Variants in DLG2 observed in about 807,000 individuals in gnomAD.
The protein encoded by DLG2 is disks large homolog 2.
DLG2 carries 45 observed loss-of-function variants against 132.5 expected under a neutral mutation model. The observed-to-expected ratio is 0.34, with a 90% CI of 0.27 to 0.44. DLG2 has a LOEUF of 0.44. Ranked by LOEUF, DLG2 falls within the 20% of genes least tolerant of loss-of-function variation. The probability of loss-of-function intolerance (pLI) is 1.00; values close to 1 mark genes in which losing one functional copy is unlikely to be tolerated. For missense variants in DLG2, 1,045 were observed against 1,196.9 expected (o/e 0.87, Z 1.87); for synonymous variants, 424 against 419.6 (o/e 1.01, Z -0.13).
intron 3 of DLG2, among the ~76,000 whole-genome samples, chr11:85,324,224 C>G (rs888723527): frequency 6.6e-6 from 1 of 152,122 alleles, no homozygotes; most frequent in African/African-American, 2.4e-5. Flanking sequence ...GAATTCCTGT[C>G]TTTGAATAGC....
chr11:83,495,524 A>G (rs905873353), intron 21 of DLG2, among the ~76,000 whole-genome samples: 3 of 152,116 alleles, frequency 2.0e-5, no homozygotes, highest in African/African-American at 7.2e-5. Flanking sequence ...ACAGAACTCT[A>G]TATACCTGTT....
chr11:84,353,288 G>A (rs551921413), intron 7 of DLG2, among the ~76,000 whole-genome samples: 7 of 152,242 alleles, frequency 4.6e-5, no homozygotes, highest in South Asian at 2.1e-4. Flanking sequence ...ACTTAGAGAC[G>A]CATCATACTT....
At chr11:83,523,374 A>C (rs567818284) in intron 21 of DLG2, among the ~76,000 whole-genome samples, 1 of 152,328 alleles carries the variant, frequency 6.6e-6, no homozygotes, top group Middle Eastern at 3.4e-3. Flanking sequence ...ATATTACTTT[A>C]GTCTTACCAT....
At chr11:83,635,526 C>T (rs2064566964) in intron 18 of DLG2, among the ~76,000 whole-genome samples, 1 of 152,138 alleles carries the variant, frequency 6.6e-6, no homozygotes, top group South Asian at 2.1e-4. Context: ...TCACTGCTCT[C>T]TTTCCCTACA....
chr11:83,662,344 T>A (rs2074491603), intron 18 of DLG2, among the ~76,000 whole-genome samples: 1 of 152,198 alleles, frequency 6.6e-6, no homozygotes, highest in Non-Finnish European at 1.5e-5. Flanking sequence ...AAGCAAGCAC[T>A]GTATTGAAAC....
intron 4 of DLG2, among the ~76,000 whole-genome samples, chr11:85,284,830 T>C (rs1565267499): frequency 6.6e-6 from 1 of 151,866 alleles, no homozygotes; most frequent in East Asian, 1.9e-4. Flanking sequence ...ACTGATCATT[T>C]TATATTCTTG....
chr11:83,564,017 G>A (rs1236846892), intron 19 of DLG2, among the ~76,000 whole-genome samples: 1 of 151,488 alleles, frequency 6.6e-6, no homozygotes, highest in African/African-American at 2.4e-5. Flanking sequence ...TAATTAGACT[G>A]TTGGCCAGAA....
At chr11:84,723,634 A>G (rs997385214) in intron 6 of DLG2, among the ~76,000 whole-genome samples, 1 of 152,144 alleles carries the variant, frequency 6.6e-6, no homozygotes, top group South Asian at 2.1e-4. Flanking sequence ...TTACCTTAAG[A>G]TACCAACACA....
chr11:84,269,172 T>G (rs1037334406), intron 7 of DLG2, among the ~76,000 whole-genome samples: 10 of 152,220 alleles, frequency 6.6e-5, no homozygotes, highest in African/African-American at 2.4e-4. Context: ...TAGAGATACA[T>G]GTGTAACTGT....
At chr11:83,702,952 G>T (rs1006373751) in intron 18 of DLG2, among the ~76,000 whole-genome samples, 3 of 152,316 alleles carry the variant, frequency 2.0e-5, no homozygotes, top group Admixed American at 2.0e-4. Context: ...CAGTTCTTCC[G>T]AAAAGCACTG....
chr11:84,051,874 TA>T (rs2075857561), intron 11 of DLG2, among the ~76,000 whole-genome samples: 1 of 151,586 alleles, frequency 6.6e-6, no homozygotes. Context: ...CCAAAAGGTA[TA>T]TGCCTGATTT....
chr11:85,246,495 T>A lies in DLG2; in HGVS notation c.186+38725A>T, dbSNP rs2152687064. Among the ~76,000 whole-genome samples the A allele has an allele frequency of 3.9e-5, 6 of 151,924 alleles. No homozygotes were observed. The South Asian group carries it at 1.2e-3, about 32-fold the overall frequency. On this transcript the variant is annotated intron_variant, in intron 4 of 27. Coordinates refer to ENST00000376104, the MANE Select transcript of DLG2 (RefSeq NM_001142699.3). Reference sequence around the variant, plus strand: ...AATTCCCAAAATGTTAACATTGTACTGTGTTTATTACTGTCTCTCACATGC... The same window carrying A: ...AATTCCCAAAATGTTAACATTGTACAGTGTTTATTACTGTCTCTCACATGC...
intron 6 of DLG2, among the ~76,000 whole-genome samples, chr11:84,687,590 C>T (rs2099739228): frequency 6.6e-6 from 1 of 152,132 alleles, no homozygotes; most frequent in Non-Finnish European, 1.5e-5. Flanking sequence ...CTTAAATAAA[C>T]TCTATTTCAC....
At chr11:85,394,485 A>T (rs1596857729) in intron 3 of DLG2, among the ~76,000 whole-genome samples, 1 of 152,240 alleles carries the variant, frequency 6.6e-6, no homozygotes, top group Admixed American at 6.5e-5. Context: ...TGTCTGTGCC[A>T]CCTGCAGCAG....
chr11:84,827,495 T>G (rs1436490989), intron 6 of DLG2, among the ~76,000 whole-genome samples: 2 of 151,464 alleles, frequency 1.3e-5, no homozygotes, highest in Non-Finnish European at 3.0e-5. Context: ...AGGATAATAT[T>G]GATTGATCAA....
chr11:84,797,155 T>C (rs1184912753), intron 6 of DLG2, among the ~76,000 whole-genome samples: 1 of 152,168 alleles, frequency 6.6e-6, no homozygotes, highest in East Asian at 1.9e-4. Flanking sequence ...CCTATGATTT[T>C]TTATTTATCC....
chr11:85,228,726 A>C (rs2075121856), intron 4 of DLG2, among the ~76,000 whole-genome samples: 1 of 151,198 alleles, frequency 6.6e-6, no homozygotes, highest in South Asian at 2.1e-4. Context: ...ATTTATCTTT[A>C]ACTTTTTTCT....
In DLG2 at chr11:84,376,695, A is replaced by G. The variant is rs962711764; in HGVS notation, c.520-125404T>C. On this transcript the variant is annotated intron_variant, in intron 7 of 27. Coordinates refer to ENST00000376104, the MANE Select transcript of DLG2 (RefSeq NM_001142699.3). Reference sequence around the variant, plus strand: ...TTGAAGCTTCACATTATAAAAGCCAAAAACCTAATGGAAAATTAAAAAAAA... The same window carrying G: ...TTGAAGCTTCACATTATAAAAGCCAGAAACCTAATGGAAAATTAAAAAAAA... Among the ~76,000 whole-genome samples, 10 of 151,798 alleles carry G rather than the reference A, an allele frequency of 6.6e-5. No homozygotes were observed. The South Asian group carries it at 1.5e-3, about 22-fold the overall frequency.
At chr11:84,331,115 T>G (rs1374963083) in intron 7 of DLG2, among the ~76,000 whole-genome samples, 1 of 152,230 alleles carries the variant, frequency 6.6e-6, no homozygotes, top group Non-Finnish European at 1.5e-5. Flanking sequence ...TGCAGTTTCT[T>G]GCAGCCACAA....
Sources: allele counts gnomAD v4.1 joint callset (sites outside exome capture counted in the v4.1 genomes callset), GRCh38; gene constraint gnomAD v4.1.1; transcripts MANE v1.5; gene names NCBI Gene and HGNC (gene_info 2026-07-23, HGNC 2026-07-21).